NR3C1: variants seen among roughly 807,000 people sequenced by gnomAD.
The protein encoded by NR3C1 is glucocorticoid receptor.
A neutral mutation model predicts 74.0 loss-of-function variants in NR3C1; 14 were observed. That is an observed-to-expected ratio of 0.19 (90% CI 0.12 to 0.30). The LOEUF (loss-of-function observed/expected upper bound fraction) is 0.30, where lower values mean the gene tolerates loss of function less well. Ranked by LOEUF, NR3C1 falls within the 10% of genes least tolerant of loss-of-function variation. NR3C1 has a pLI of 1.00. For missense variants in NR3C1, 695 were observed against 909.8 expected (o/e 0.76, Z 3.04); for synonymous variants, 308 against 332.5 (o/e 0.93, Z 0.80).
Position 143,280,270 on chromosome 5 carries a change from C to T in NR3C1, c.*1619G>A, listed in dbSNP as rs1185274601. The T allele has an allele frequency of 3.9e-5, 6 of 152,588 alleles. No homozygotes were observed. Among genetic ancestry groups the T allele is most frequent in the Non-Finnish European group, 2.9e-5 (2 of 68,026 alleles). The allele number at this position is 152,588 out of a possible 1,614,324, so 9.5% of individuals were successfully genotyped here. ...TACACTATACAAGCTATTTTACAAT[C>T]ATTTTAATAAATTGCATGTAAAGCT... On this transcript the variant is annotated 3_prime_UTR_variant, in exon 9 of 9. Coordinates refer to ENST00000394464, the MANE Select transcript of NR3C1 (RefSeq NM_000176.3).
upstream of NR3C1, among the ~76,000 whole-genome samples, chr5:143,406,340 T>TC (rs1362648843): frequency 1.3e-5 from 2 of 151,486 alleles, no homozygotes; most frequent in Non-Finnish European, 2.9e-5. Context: ...CATTTTTTTT[T>TC]CTCTGCAGAT....
chr5:143,325,458 A>C (rs1824380484), intron 2 of NR3C1, among the ~76,000 whole-genome samples: 1 of 152,212 alleles, frequency 6.6e-6, no homozygotes, highest in African/African-American at 2.4e-5. Flanking sequence ...ATTCACGTTG[A>C]GATTCTGGTG....
chr5:143,430,084 A>G (rs1238015879), intron 1 of NR3C1, among the ~76,000 whole-genome samples: 2 of 148,728 alleles, frequency 1.3e-5, no homozygotes, highest in East Asian at 1.9e-4. Context: ...TCCATCTCCA[A>G]AAAAAAAAAA....
intron 2 of NR3C1, among the ~76,000 whole-genome samples, chr5:143,367,983 C>T (rs1264084922): frequency 6.6e-6 from 1 of 152,068 alleles, no homozygotes; most frequent in Non-Finnish European, 1.5e-5. Flanking sequence ...CTCACATTTC[C>T]CAATTTCAAA....
chr5:143,395,705 A>C (rs1475815614), intron 2 of NR3C1, among the ~76,000 whole-genome samples: 2 of 151,942 alleles, frequency 1.3e-5, no homozygotes, highest in Non-Finnish European at 2.9e-5. Context: ...ACTAAGCCTA[A>C]GCCTCAGACC....
At chr5:143,314,254 G>A (rs1821600880) in intron 2 of NR3C1, 86 bp from the exon 3 acceptor site, 2 of 1,416,476 alleles carry the variant, frequency 1.4e-6, no homozygotes, top group African/African-American at 1.4e-5. Flanking sequence ...TTCATAGTCA[G>A]AATGCTCACA....
At chr5:143,396,884 AG>A (rs1839293388) in intron 2 of NR3C1, among the ~76,000 whole-genome samples, 1 of 151,866 alleles carries the variant, frequency 6.6e-6, no homozygotes, top group African/African-American at 2.4e-5. Context: ...AAATGAAACA[AG>A]GCTGAAAATC....
chr5:143,326,106 A>T (rs1427723453), intron 2 of NR3C1, among the ~76,000 whole-genome samples: 1 of 152,234 alleles, frequency 6.6e-6, no homozygotes, highest in African/African-American at 2.4e-5. Context: ...AGAATACAAA[A>T]ATTGGGCCTT....
At chr5:143,334,839 G>A (rs1051680489) in intron 2 of NR3C1, among the ~76,000 whole-genome samples, 1 of 152,152 alleles carries the variant, frequency 6.6e-6, no homozygotes, top group Admixed American at 6.5e-5. Flanking sequence ...CTCTGTCCCT[G>A]TCCCTGCCTC....
intron 4 of NR3C1, among the ~76,000 whole-genome samples, chr5:143,303,870 T>C (rs1013169699): frequency 6.6e-6 from 1 of 152,074 alleles, no homozygotes; most frequent in African/African-American, 2.4e-5. Flanking sequence ...AAATCCAGCA[T>C]CTCTTCATGA....
exon 1 of NR3C1, chr5:143,434,958 CT>C (rs113797066): frequency 0.023 from 13,162 of 579,518 alleles, 1 homozygote; most frequent in Non-Finnish European, 0.026. Flanking sequence ...TCGGGTATAA[CT>C]TTTTTTTTTT....
At chr5:143,431,174 G>A (rs1751800040) in intron 1 of NR3C1, among the ~76,000 whole-genome samples, 1 of 152,136 alleles carries the variant, frequency 6.6e-6, no homozygotes, top group Admixed American at 6.5e-5. Context: ...GGTAAGAAAT[G>A]TGGCTCAGGA....
At chr5:143,332,566 A>C in intron 2 of NR3C1, 1 of 874,924 alleles carries the variant, frequency 1.1e-6, no homozygotes. Flanking sequence ...TAAAAATTAT[A>C]ATTAAAAAAA....
At chr5:143,393,907 G>T (rs1018439148) in intron 2 of NR3C1, among the ~76,000 whole-genome samples, 8 of 151,870 alleles carry the variant, frequency 5.3e-5, no homozygotes, top group African/African-American at 1.7e-4. Flanking sequence ...AACACTTTTT[G>T]CAACAAACTA....
intron 7 of NR3C1, 52 bp from the exon 8 acceptor site, chr5:143,282,777 CTTTT>C (rs371512572): frequency 2.2e-4 from 290 of 1,323,224 alleles, no homozygotes; most frequent in East Asian, 3.8e-4. Flanking sequence ...CTTTTCTTTT[CTTTT>C]TTTTTTTTTT....
intron 2 of NR3C1, among the ~76,000 whole-genome samples, chr5:143,346,592 C>G: frequency 6.6e-6 from 1 of 152,106 alleles, no homozygotes; most frequent in East Asian, 1.9e-4. Context: ...CAAAATTTCC[C>G]AAATTTGGTT....
chr5:143,309,000 G>T lies in NR3C1; in HGVS notation c.1468+1097C>A, dbSNP rs1264860670. The stretch of plus-strand genomic sequence containing the variant: ...TCAGAGGAAAATTTTTTAATGCTGA[G>T]ATCAGTGTTAATTATACAACTTGTT... On this transcript the variant is annotated intron_variant, in intron 4 of 8. Transcript: ENST00000394464. 3.3e-5 allele frequency among the ~76,000 whole-genome samples: 5 copies of T among 151,680 alleles called. No individual in the cohort carries two copies. The East Asian group carries it at 9.7e-4, about 29-fold the overall frequency.
chr5:143,291,871 T>C (rs998680822), intron 7 of NR3C1, among the ~76,000 whole-genome samples: 3 of 152,244 alleles, frequency 2.0e-5, no homozygotes, highest in African/African-American at 2.4e-5. Context: ...CTTTTTTCCA[T>C]TGGAGCCTTT....
intron 2 of NR3C1, among the ~76,000 whole-genome samples, chr5:143,347,155 T>C (rs914392007): frequency 6.6e-6 from 1 of 152,216 alleles, no homozygotes; most frequent in South Asian, 2.1e-4. Flanking sequence ...CAGAATTCTT[T>C]TGCAATTATT....
Sources: gnomAD v4.1 joint callset for allele counts (sites outside exome capture counted in the v4.1 genomes callset) on GRCh38, gnomAD v4.1.1 for gene constraint, MANE v1.5 for transcripts, NCBI Gene and HGNC (gene_info 2026-07-23, HGNC 2026-07-21) for gene names.